Variants in LRBA observed in about 807,000 individuals in gnomAD.
The protein encoded by LRBA is LPS responsive beige-like anchor protein.
A neutral mutation model predicts 330.0 loss-of-function variants in LRBA; 176 were observed. The ratio of observed to expected loss-of-function variants is 0.53; its 90% CI spans 0.47 to 0.60. LRBA has a LOEUF of 0.60. Ranked by LOEUF, LRBA falls within the 20% of genes least tolerant of loss-of-function variation. LRBA has a pLI of 0.00. For missense variants in LRBA, 3,259 were observed against 3,444.8 expected, an observed-to-expected ratio of 0.95 and a Z score of 1.35; for synonymous variants, 1,230 against 1,193.0, an observed-to-expected ratio of 1.03 and a Z score of -0.64.
Position 150,828,267 on chromosome 4 carries a change from A to T in LRBA, c.5084T>A (p.Val1695Glu). The T allele has an allele frequency of 6.2e-7, 1 of 1,614,190 alleles. No homozygotes were observed. The highest frequency in any genetic ancestry group is 8.5e-7 in the Non-Finnish European group (1 of 1,180,000). The change falls in exon 30 of 57, where the codon GTG (valine) becomes GAG (glutamate). Residue 1695 changes from valine to glutamate, a missense_variant. Coordinates refer to ENST00000651943, the MANE Select transcript of LRBA (RefSeq NM_001364905.1). ...GGCTGGTGGCAGAAGGGCAGGATCCACTGTGACTCCATCTGCTGGTATGTT... is the reference window on the plus strand; with the variant it reads ...GGCTGGTGGCAGAAGGGCAGGATCCTCTGTGACTCCATCTGCTGGTATGTT... The part of the protein sequence containing the change: ...LVNIPADGVT[V>E]DPALLPPACL...
At chr4:150,831,661 T>C (rs1747206855) in intron 29 of LRBA, among the ~76,000 whole-genome samples, 156 bp downstream of exon 29, 1 of 152,234 alleles carries the variant, frequency 6.6e-6, no homozygotes, top group Non-Finnish European at 1.5e-5. Flanking sequence ...ACATTATATT[T>C]AAGCCACAAC....
intron 37 of LRBA, among the ~76,000 whole-genome samples, chr4:150,645,769 C>T (rs4269161): frequency 1.9e-4 from 29 of 151,850 alleles, no homozygotes; most frequent in African/African-American, 7.0e-4. Flanking sequence ...TGTGTGAAAA[C>T]ATATTTTAAA....
At chr4:150,686,277 C>A (rs546704377) in intron 36 of LRBA, among the ~76,000 whole-genome samples, 7 of 152,254 alleles carry the variant, frequency 4.6e-5, no homozygotes, top group African/African-American at 1.7e-4. Flanking sequence ...AATCTAAACA[C>A]TGATGTGGAG....
intron 40 of LRBA, among the ~76,000 whole-genome samples, chr4:150,508,232 A>T (rs548403317): frequency 7.0e-4 from 37 of 53,064 alleles, no homozygotes; most frequent in East Asian, 6.1e-3. Flanking sequence ...AATAAAATTT[A>T]AAAAAAAAGG....
At chr4:150,741,473 A>G (rs967965020) in intron 35 of LRBA, among the ~76,000 whole-genome samples, 1 of 152,150 alleles carries the variant, frequency 6.6e-6, no homozygotes, top group Non-Finnish European at 1.5e-5. Flanking sequence ...ACTCCACAGA[A>G]TGGCTATATA....
chr4:150,999,528 C>T (rs912120260), intron 2 of LRBA, among the ~76,000 whole-genome samples: 1 of 151,736 alleles, frequency 6.6e-6, no homozygotes, highest in African/African-American at 2.4e-5. Context: ...CTCCCAAAGT[C>T]CTGGGATTAC....
intron 9 of LRBA, among the ~76,000 whole-genome samples, chr4:150,910,409 T>A (rs903219695): frequency 2.0e-5 from 3 of 152,166 alleles, no homozygotes; most frequent in African/African-American, 4.8e-5. Flanking sequence ...TTTCCCAACA[T>A]CATGTGTTGA....
intron 46 of LRBA, among the ~76,000 whole-genome samples, chr4:150,419,482 T>C (rs1207357110): frequency 6.6e-6 from 1 of 151,992 alleles, no homozygotes; most frequent in Non-Finnish European, 1.5e-5. Context: ...GCCCTACCAA[T>C]CTAATAACTA....
At chr4:150,326,474 G>A (rs1352045869) in intron 48 of LRBA, among the ~76,000 whole-genome samples, 1 of 152,104 alleles carries the variant, frequency 6.6e-6, no homozygotes, top group Non-Finnish European at 1.5e-5. Flanking sequence ...GTTAAACCAG[G>A]GAGTCACTAA....
intron 47 of LRBA, among the ~76,000 whole-genome samples, chr4:150,413,075 A>AAT (rs202234122): frequency 1.5e-4 from 23 of 151,094 alleles, no homozygotes; most frequent in Non-Finnish European, 2.5e-4. Context: ...CACCAAAGAA[A>AAT]ATATATATAT....
chr4:150,823,351 A>T (rs1341719903), intron 30 of LRBA, among the ~76,000 whole-genome samples: 1 of 152,156 alleles, frequency 6.6e-6, no homozygotes, highest in Non-Finnish European at 1.5e-5. Context: ...TATTCTGATT[A>T]TTAGAACCCT....
chr4:150,829,386 A>G (rs1746814428), intron 29 of LRBA, among the ~76,000 whole-genome samples: 1 of 152,124 alleles, frequency 6.6e-6, no homozygotes, highest in East Asian at 1.9e-4. Flanking sequence ...CTCTCTTTTA[A>G]TTCTCACTCC....
At chr4:150,844,863 T>A in intron 26 of LRBA, 84 bp from the exon 27 acceptor site, 3 of 1,079,112 alleles carry the variant, frequency 2.8e-6, no homozygotes, top group Non-Finnish European at 4.1e-6. Context: ...CTACACAATA[T>A]GATTTACATA....
chr4:150,755,118 C>T (rs1222490714), intron 35 of LRBA, among the ~76,000 whole-genome samples: 1 of 152,106 alleles, frequency 6.6e-6, no homozygotes, highest in Non-Finnish European at 1.5e-5. Context: ...CTCATTCCAC[C>T]AACATTATTA....
intron 40 of LRBA, among the ~76,000 whole-genome samples, chr4:150,521,142 C>A (rs970874782): frequency 6.6e-6 from 1 of 151,882 alleles, no homozygotes. Context: ...AGATGTTTAT[C>A]AATCTTATCA....
rs77678110 is a variant in LRBA at position 150,952,404 on chromosome 4, C to T, written c.217-23339G>A. The stretch of plus-strand genomic sequence containing the variant: ...ACAATAAACTATTAACAATGGCTAC[C>T]TCAAAGAAGTGGGTTGAGGAGAGGG... On this transcript the variant is annotated intron_variant, in intron 2 of 56. Transcript: ENST00000651943. Among the ~76,000 whole-genome samples, 12 of 152,194 alleles carry T rather than the reference C, an allele frequency of 7.9e-5. No homozygotes were observed. In the East Asian group the frequency reaches 2.1e-3, roughly 27 times the overall value.
At chr4:150,456,508 A>T (rs374601067) in intron 44 of LRBA, among the ~76,000 whole-genome samples, 11 of 152,164 alleles carry the variant, frequency 7.2e-5, no homozygotes, top group African/African-American at 2.6e-4. Flanking sequence ...GTGCCCATTT[A>T]AAAAATTGGA....
chr4:150,583,894 A>G lies in LRBA; in HGVS notation c.6330+4154T>C. ...CGAGTGCGAGAAACACCCACGAGAA[A>G]CGGACTGGGACGAGTCGTGCCTGGG... On this transcript the variant is annotated intron_variant, in intron 40 of 56. Coordinates refer to ENST00000651943, the MANE Select transcript of LRBA (RefSeq NM_001364905.1). The surrounding 1 kb of genome is among the most constrained non-coding windows in gnomAD (Gnocchi z 9.8). 6.2e-7 allele frequency: 1 copy of G among 1,613,232 alleles called. No individual in the cohort carries two copies. The highest frequency in any genetic ancestry group is 8.5e-7 in the Non-Finnish European group (1 of 1,179,580).
At chr4:150,938,570 C>T (rs1237078752) in intron 2 of LRBA, among the ~76,000 whole-genome samples, 1 of 152,134 alleles carries the variant, frequency 6.6e-6, no homozygotes, top group South Asian at 2.1e-4. Context: ...AAGTTCTGAC[C>T]AACAGGCAGT....
Sources: allele counts gnomAD v4.1 joint callset (sites outside exome capture counted in the v4.1 genomes callset), GRCh38; gene constraint gnomAD v4.1.1; non-coding constraint Gnocchi (gnomAD v3.1); transcripts MANE v1.5; gene names NCBI Gene and HGNC (gene_info 2026-07-23, HGNC 2026-07-21).